The following SYNPR variants were observed in gnomAD, a reference collection of about 807,000 sequenced individuals.
The protein encoded by SYNPR is synaptoporin.
A neutral mutation model predicts 32.9 loss-of-function variants in SYNPR; 23 were observed. The observed-to-expected ratio is 0.70, with a 90% CI of 0.50 to 0.99. The LOEUF (loss-of-function observed/expected upper bound fraction) is 0.99, where lower values mean the gene tolerates loss of function less well. Among genes scored for constraint, SYNPR ranks in the 50% least tolerant of loss-of-function variants. SYNPR has a pLI of 0.00. For synonymous variants in SYNPR, 146 were observed against 135.9 expected (o/e 1.07, Z -0.52); for missense variants, 318 against 349.3 (o/e 0.91, Z 0.71).
intron 2 of SYNPR, among the ~76,000 whole-genome samples, chr3:63,442,752 A>C (rs1356308135): frequency 4.6e-5 from 7 of 152,314 alleles, no homozygotes; most frequent in African/African-American, 1.7e-4. Context: ...CCAGAGCCTT[A>C]AAAGCCTGTC....
chr3:63,226,208 T>C (rs533632290), upstream of SYNPR, among the ~76,000 whole-genome samples: 10 of 144,124 alleles, frequency 6.9e-5, no homozygotes, highest in South Asian at 2.2e-3. Flanking sequence ...CAACAGATGC[T>C]GGAAAAGATG....
At chr3:63,274,890 A>G (rs2086561761), upstream of SYNPR, among the ~76,000 whole-genome samples, 2 of 152,206 alleles carry the variant, frequency 1.3e-5, no homozygotes, top group African/African-American at 4.8e-5. Context: ...CATGTTTTCC[A>G]GTGGCGGGAA....
rs777397535 is a variant in SYNPR, at chr3:63,556,760, C to T, written c.408+19C>T. 3.2e-6 allele frequency: 5 copies of T among 1,578,798 alleles called. No homozygotes were observed. The highest frequency in any genetic ancestry group is 4.3e-6 in the Non-Finnish European group (5 of 1,162,680). On this transcript the variant is annotated intron_variant, in intron 4 of 5. Transcript: ENST00000478300. Reference sequence around the variant, plus strand: ...ACTCATTGTAAGTGGTTTTCTTTTTCAAATAACTTTTTCTGTTCCTTCTAA... The same window carrying T: ...ACTCATTGTAAGTGGTTTTCTTTTTTAAATAACTTTTTCTGTTCCTTCTAA...
intron 3 of SYNPR, among the ~76,000 whole-genome samples, chr3:63,507,048 G>A (rs868462823): frequency 6.6e-5 from 10 of 152,028 alleles, no homozygotes; most frequent in Non-Finnish European, 1.2e-4. Context: ...AATGATGGCC[G>A]AGGTGGGAGA....
chr3:63,488,490 C>G (rs1701197719), intron 3 of SYNPR, among the ~76,000 whole-genome samples: 1 of 152,116 alleles, frequency 6.6e-6, no homozygotes, highest in Admixed American at 6.6e-5. Flanking sequence ...AGACATAACC[C>G]CCTAACTGGT....
chr3:63,250,333 A>T (rs2086321607), intron 1 of SYNPR, among the ~76,000 whole-genome samples: 1 of 145,758 alleles, frequency 6.9e-6, no homozygotes, highest in African/African-American at 2.8e-5. Context: ...AAGGAAAATA[A>T]ATAAAATAAA....
intron 2 of SYNPR, among the ~76,000 whole-genome samples, chr3:63,407,289 G>A (rs557873495): frequency 1.3e-5 from 2 of 152,140 alleles, no homozygotes; most frequent in African/African-American, 4.8e-5. Flanking sequence ...TATTAACACA[G>A]TGCTTAATTT....
intron 2 of SYNPR, among the ~76,000 whole-genome samples, chr3:63,405,484 G>A (rs2088347909): frequency 6.6e-6 from 1 of 152,102 alleles, no homozygotes; most frequent in African/African-American, 2.4e-5. Flanking sequence ...GAATCATAAA[G>A]GATGGAGAAG....
At chr3:63,488,142 C>T (rs534725139) in intron 3 of SYNPR, among the ~76,000 whole-genome samples, 4 of 152,110 alleles carry the variant, frequency 2.6e-5, no homozygotes, top group East Asian at 1.9e-4. Context: ...TTTATTTTTT[C>T]GGTTTTTACC....
In SYNPR at chr3:63,286,761, C is replaced by T. The variant is rs189030391; in HGVS notation, c.84+8019C>T. Among the ~76,000 whole-genome samples, 47 of 152,306 alleles carry T rather than the reference C, an allele frequency of 3.1e-4. 2 individuals are homozygous for T. In the South Asian group the frequency reaches 9.5e-3, roughly 31 times the overall value. ...GTACTAGCTTAGGCTCCTTTAAAGA[C>T]CTCAGTTTCCTAACCTGAAAACTGG... On this transcript the variant is annotated intron_variant, in intron 2 of 5. Transcript: ENST00000478300.
intron 1 of SYNPR, among the ~76,000 whole-genome samples, chr3:63,245,861 T>C (rs1175191602): frequency 1.3e-5 from 2 of 151,902 alleles, no homozygotes; most frequent in African/African-American, 4.8e-5. Context: ...TTTCTAACAA[T>C]GAACAGTCTG....
chr3:63,299,091 A>G (rs1336608155), intron 2 of SYNPR, among the ~76,000 whole-genome samples: 1 of 152,164 alleles, frequency 6.6e-6, no homozygotes, highest in Non-Finnish European at 1.5e-5. Flanking sequence ...AAAAAATAGA[A>G]TAAATCTATT....
Position 63,380,393 on chromosome 3 carries a change from G to A in SYNPR, c.85-100439G>A, listed in dbSNP as rs2087950885. On this transcript the variant is annotated intron_variant, in intron 2 of 5. Coordinates refer to ENST00000478300, the MANE Select transcript of SYNPR (RefSeq NM_001130003.2). ...GTGATCGCCACTCTAACTGGTGTGAGATGGTATCTCACTGTGGTTTTGATT... is the reference window on the plus strand; with the variant it reads ...GTGATCGCCACTCTAACTGGTGTGAAATGGTATCTCACTGTGGTTTTGATT... Among the ~76,000 whole-genome samples the A allele has an allele frequency of 3.3e-5, 5 of 152,298 alleles. No individual in the cohort carries two copies. The South Asian group carries it at 1.0e-3, about 32-fold the overall frequency.
At chr3:63,233,563 A>G (rs1168535008) in intron 1 of SYNPR, among the ~76,000 whole-genome samples, 1 of 152,198 alleles carries the variant, frequency 6.6e-6, no homozygotes, top group Non-Finnish European at 1.5e-5. Flanking sequence ...ATTCTATGCA[A>G]TTGATTCTGC....
chr3:63,428,784 T>C (rs964844031), intron 2 of SYNPR, among the ~76,000 whole-genome samples: 1 of 152,228 alleles, frequency 6.6e-6, no homozygotes, highest in Non-Finnish European at 1.5e-5. Flanking sequence ...CCATGATGAC[T>C]TGGAAAAGTT....
At chr3:63,608,595 C>CGAATGAAT (rs71099710) in intron 4 of SYNPR, among the ~76,000 whole-genome samples, 1 of 151,904 alleles carries the variant, frequency 6.6e-6, no homozygotes. Flanking sequence ...AGTGAACAAA[C>CGAATGAAT]GAATGAATGA....
At chr3:63,401,652 G>C (rs541149356) in intron 2 of SYNPR, among the ~76,000 whole-genome samples, 3 of 152,178 alleles carry the variant, frequency 2.0e-5, no homozygotes, top group East Asian at 1.9e-4. Context: ...ATGAACTATG[G>C]AATCAGGTTA....
chr3:63,450,988 CAA>C (rs1700370918), intron 2 of SYNPR, among the ~76,000 whole-genome samples: 1 of 152,216 alleles, frequency 6.6e-6, no homozygotes, highest in African/African-American at 2.4e-5. Context: ...CTCAAACTTG[CAA>C]AGAGAGGAAA....
chr3:63,223,860 G>A (rs966294874), upstream of SYNPR, among the ~76,000 whole-genome samples: 1 of 152,150 alleles, frequency 6.6e-6, no homozygotes, highest in Non-Finnish European at 1.5e-5. Context: ...TTAGTTCCTT[G>A]AGAGCAGAAT....
Sources: gnomAD v4.1 joint callset for allele counts (sites outside exome capture counted in the v4.1 genomes callset) on GRCh38, gnomAD v4.1.1 for gene constraint, MANE v1.5 for transcripts, NCBI Gene and HGNC (gene_info 2026-07-23, HGNC 2026-07-21) for gene names.